The following SPEN variants were observed in gnomAD, a reference collection of about 807,000 sequenced individuals.
SPEN encodes msx2-interacting protein.
In SPEN, 18 loss-of-function variants were observed where a neutral mutation model predicts 269.9. The observed-to-expected ratio is 0.07, with a 90% CI of 0.05 to 0.10. The LOEUF is 0.10. Among genes scored for constraint, SPEN ranks in the 10% least tolerant of loss-of-function variants. The pLI is 1.00. For missense variants in SPEN, 3,822 were observed against 4,631.2 expected (o/e 0.83, Z 5.07); for synonymous variants, 1,726 against 1,765.7 (o/e 0.98, Z 0.56).
intron 1 of SPEN, among the ~76,000 whole-genome samples, chr1:15,868,723 C>T (rs554259387): frequency 3.6e-4 from 55 of 152,258 alleles, no homozygotes; most frequent in African/African-American, 1.2e-3. Context: ...CGTGAGCCAC[C>T]GTGCCCAGCC....
Position 15,913,862 on chromosome 1 carries a change from G to A in SPEN, c.1244-2266G>A, listed in dbSNP as rs186680074. 4.6e-5 allele frequency among the ~76,000 whole-genome samples: 7 copies of A among 152,066 alleles called. No homozygotes were observed. The East Asian group carries it at 1.4e-3, about 29-fold the overall frequency. On this transcript the variant is annotated intron_variant, in intron 5 of 14. Transcript: ENST00000375759. ...ACAGAGCAAGACCCTGTCTCCAAGG[G>A]GGAGAAAAAAAGAAAGAAAGAAAAT...
intron 5 of SPEN, among the ~76,000 whole-genome samples, chr1:15,912,719 C>T (rs757366898): frequency 1.3e-5 from 2 of 152,080 alleles, no homozygotes; most frequent in Non-Finnish European, 2.9e-5. Flanking sequence ...GATGGATTGC[C>T]CTAAATTTTA....
At chr1:15,917,004 A>G (rs183503841) in intron 6 of SPEN, among the ~76,000 whole-genome samples, 19 of 152,226 alleles carry the variant, frequency 1.2e-4, no homozygotes, top group African/African-American at 4.6e-4. Context: ...GGCTTGCTCC[A>G]GTAGTCCCAG....
At chr1:15,867,879 G>T (rs1010629853) in intron 1 of SPEN, among the ~76,000 whole-genome samples, 8 of 152,044 alleles carry the variant, frequency 5.3e-5, no homozygotes, top group Non-Finnish European at 7.3e-5. Flanking sequence ...TGCCACCCAG[G>T]CTGGTGTGCA....
At chr1:15,911,042 CTTAT>C in intron 4 of SPEN, 55 bp from the exon 5 acceptor site, 2 of 1,386,314 alleles carry the variant, frequency 1.4e-6, no homozygotes, top group Non-Finnish European at 2.0e-6. Context: ...TAGTAGGTTG[CTTAT>C]TTAGTTATAA....
At position 15,931,053 on chromosome 1, in the gene SPEN, A is replaced by G; in HGVS notation, c.4813A>G (p.Lys1605Glu). The change falls in exon 11 of 15, where the codon AAA becomes GAA. Residue 1605 changes from lysine to glutamate, a missense_variant. Around this residue, in one of 16 missense-constraint regions of SPEN, gnomAD observed 533 missense variants for 618.8 expected, o/e 0.86. Coordinates refer to ENST00000375759, the MANE Select transcript of SPEN (RefSeq NM_015001.3). This position sits in a 1 kb window ranked among gnomAD's most constrained non-coding sequence, Gnocchi z 4.8. ...AGAAAAAGAAAAAGACCAGAAACCC[A>G]AAGAGGTTGAGAAACAGGAAGATAC... Reference protein sequence around the residue: ...QKEKEKDQKPKEVEKQEDTEN... With the variant: ...QKEKEKDQKPEEVEKQEDTEN... 6.2e-7 allele frequency: 1 copy of G among 1,613,632 alleles called. No homozygotes were observed. Among genetic ancestry groups the G allele is most frequent in the African/African-American group, 1.3e-5 (1 of 74,928 alleles).
intron 3 of SPEN, among the ~76,000 whole-genome samples, chr1:15,887,553 C>G (rs1267047258): frequency 6.6e-6 from 1 of 151,508 alleles, no homozygotes; most frequent in African/African-American, 2.4e-5. Flanking sequence ...CCTCAGCCTC[C>G]CAAAGTGCTG....
intron 8 of SPEN, 88 bp from the exon 9 acceptor site, chr1:15,920,782 G>A (rs1213668220): frequency 7.3e-6 from 4 of 546,682 alleles, no homozygotes; most frequent in South Asian, 3.9e-5. Context: ...TTTCTCATCC[G>A]TGTCCTTGTG....
At chr1:15,915,744 GC>G (rs781264819) in intron 5 of SPEN, among the ~76,000 whole-genome samples, 1 of 151,808 alleles carries the variant, frequency 6.6e-6, no homozygotes, top group Admixed American at 6.6e-5. Flanking sequence ...TCAACATGTT[GC>G]CCAGGCTAGT....
intron 13 of SPEN, among the ~76,000 whole-genome samples, chr1:15,938,213 C>T (rs1286370021): frequency 1.3e-5 from 2 of 152,222 alleles, no homozygotes. Context: ...AAGCCATTCT[C>T]TTGCCTCAGC....
At chr1:15,901,215 T>C (rs1340017847) in intron 3 of SPEN, among the ~76,000 whole-genome samples, 1 of 149,196 alleles carries the variant, frequency 6.7e-6, no homozygotes, top group Non-Finnish European at 1.5e-5. Context: ...TAGGGGCGGC[T>C]GAGGCAGCAG....
intron 1 of SPEN, among the ~76,000 whole-genome samples, chr1:15,871,082 C>A (rs895515861): frequency 5.3e-5 from 8 of 152,128 alleles, no homozygotes; most frequent in Non-Finnish European, 1.0e-4. Context: ...GATTCTCCTG[C>A]CTCAGCCTCC....
rs1222978608 is a variant in SPEN, at chr1:15,931,408, C to T, written c.5168C>T (p.Ser1723Leu). The change falls in exon 11 of 15, where the codon TCA becomes TTA. Residue 1723 changes from serine to leucine, a missense_variant. Around this residue, in one of 16 missense-constraint regions of SPEN, gnomAD observed 533 missense variants for 618.8 expected, o/e 0.86. Transcript: ENST00000375759. This position sits in a 1 kb window ranked among gnomAD's most constrained non-coding sequence, Gnocchi z 4.8. ...ATGCCTGCGGGTGTTGAGGAAGGTT[C>T]ATCAGGTGACCAGCCGCCTTATCTG... is the stretch of plus-strand genomic sequence containing the variant. The part of the protein sequence containing the change: ...AMMPAGVEEG[S>L]SGDQPPYLDA... 6.2e-7 allele frequency: 1 copy of T among 1,614,194 alleles called. No individual in the cohort carries two copies. The highest frequency in any genetic ancestry group is 1.1e-5 in the South Asian group (1 of 91,080).
At chr1:15,878,252 A>G (rs7515681) in intron 3 of SPEN, among the ~76,000 whole-genome samples, 4,728 of 152,334 alleles carry the variant, frequency 0.031, 110 homozygotes, top group South Asian at 0.078. Flanking sequence ...TAAAAGGCTC[A>G]GATTACTTTT....
At position 15,919,454 on chromosome 1, in the gene SPEN, T is replaced by C. The variant is rs1570047375; in HGVS notation, c.1572T>C (p.Leu524=). 6.2e-7 allele frequency: 1 copy of C among 1,609,118 alleles called. No homozygotes were observed. Among genetic ancestry groups the C allele is most frequent in the East Asian group, 2.2e-5 (1 of 44,572 alleles). ...MPTNCVWLDG[L]SSNVSDQYLT... is the part of the protein sequence containing the mutation. ...CAAACTGCGTGTGGCTAGATGGGCT[T>C]TCTTCGAATGTGTCAGATCAGTATT... Residue 524 remains leucine, a synonymous_variant, in exon 8 of 15, where the codon CTT becomes CTC. Coordinates refer to ENST00000375759, the MANE Select transcript of SPEN (RefSeq NM_015001.3).
At position 15,876,215 on chromosome 1, in the gene SPEN, A is replaced by T. The variant is rs368885092; in HGVS notation, c.418A>T (p.Arg140Trp). The change falls in exon 3 of 15, where the codon AGG (arginine) becomes TGG (tryptophan). Residue 140 changes from arginine (R) to tryptophan (W), a missense_variant. Coordinates refer to ENST00000375759, the MANE Select transcript of SPEN (RefSeq NM_015001.3). ...TCCTAAATGCAGGGCTTCAGATAAC[A>T]GGGAGCGTGCTTATGAACATAGTGC... ...ERRLDGASDNRERAYEHSAYG... is the reference protein window; with the variant it reads ...ERRLDGASDNWERAYEHSAYG... 1.2e-6 allele frequency: 2 copies of T among 1,610,566 alleles called. No homozygotes were observed. Among genetic ancestry groups the T allele is most frequent in the Non-Finnish European group, 1.7e-6 (2 of 1,176,918 alleles).
rs1341014361 is a variant in SPEN at position 15,930,913 on chromosome 1, G to A, written c.4673G>A (p.Gly1558Asp). The A allele has an allele frequency of 6.2e-7, 1 of 1,614,062 alleles. No individual in the cohort carries two copies. The highest frequency in any genetic ancestry group is 2.2e-5 in the East Asian group (1 of 44,886). ...GAGGAAGATTCTGACTTCATTTCTG[G>A]TAGGATCTATGGGAAGCAGACATCT... ...RKEEDSDFIS[G>D]RIYGKQTSEG... The change falls in exon 11 of 15, where the codon GGT becomes GAT. Residue 1558 changes from glycine (G) to aspartate (D), a missense_variant. Coordinates refer to ENST00000375759, the MANE Select transcript of SPEN (RefSeq NM_015001.3). The surrounding 1 kb of genome is among the most constrained non-coding windows in gnomAD (Gnocchi z 5.3).
chr1:15,857,092 T>G (rs1280403549), intron 1 of SPEN, among the ~76,000 whole-genome samples: 1 of 151,938 alleles, frequency 6.6e-6, no homozygotes. Flanking sequence ...AGACAGGATC[T>G]CACTTTGTCA....
At chr1:15,871,320 C>G (rs761306788) in intron 1 of SPEN, among the ~76,000 whole-genome samples, 2 of 151,770 alleles carry the variant, frequency 1.3e-5, no homozygotes, top group Non-Finnish European at 2.9e-5. Flanking sequence ...GGATTAGAAC[C>G]CTAGTCACTT....
Sources: gnomAD v4.1 joint callset for allele counts (sites outside exome capture counted in the v4.1 genomes callset) on GRCh38, gnomAD v4.1.1 for gene constraint, gnomAD v4.1.1 regional missense constraint, Gnocchi (gnomAD v3.1) non-coding constraint, MANE v1.5 for transcripts, NCBI Gene and HGNC (gene_info 2026-07-23, HGNC 2026-07-21) for gene names.